ASAP1: variants seen among roughly 807,000 people sequenced by gnomAD.
ASAP1 encodes the protein ArfGAP with SH3 domain, ankyrin repeat and PH domain 1.
ASAP1 carries 43 observed loss-of-function variants against 145.2 expected under a neutral mutation model. That is an observed-to-expected ratio of 0.30 (90% CI 0.23 to 0.38). The LOEUF is 0.38. Among genes scored for constraint, ASAP1 ranks in the 10% least tolerant of loss-of-function variants. ASAP1 has a pLI of 1.00. For synonymous variants in ASAP1, 546 were observed against 515.5 expected, an observed-to-expected ratio of 1.06 and a Z score of -0.80; for missense variants, 1,018 against 1,355.3, an observed-to-expected ratio of 0.75 and a Z score of 3.91.
intron 26 of ASAP1, among the ~76,000 whole-genome samples, chr8:130,076,768 C>T (rs2097463329): frequency 6.6e-6 from 1 of 152,218 alleles, no homozygotes; most frequent in Admixed American, 6.5e-5. Context: ...GATCCACCCA[C>T]CTCAGCCTTC....
At chr8:130,079,556 C>A (rs990568511) in intron 26 of ASAP1, among the ~76,000 whole-genome samples, 3 of 152,046 alleles carry the variant, frequency 2.0e-5, no homozygotes, top group African/African-American at 7.2e-5. Flanking sequence ...GGAAAAGTAA[C>A]AAAGTTACTT....
At chr8:130,197,387 C>T (rs1815569961) in intron 5 of ASAP1, among the ~76,000 whole-genome samples, 1 of 152,194 alleles carries the variant, frequency 6.6e-6, no homozygotes, top group African/African-American at 2.4e-5. Flanking sequence ...TGAGATCATG[C>T]CATTGCGCTC....
intron 10 of ASAP1, among the ~76,000 whole-genome samples, chr8:130,168,547 G>T (rs930122823): frequency 6.6e-6 from 1 of 152,120 alleles, no homozygotes; most frequent in Admixed American, 6.6e-5. Flanking sequence ...CCAAGATCGT[G>T]CCACTGTACT....
chr8:130,127,707 C>T (rs183480539), intron 16 of ASAP1, among the ~76,000 whole-genome samples: 4 of 152,130 alleles, frequency 2.6e-5, no homozygotes, highest in African/African-American at 9.6e-5. Context: ...AGTATTTTGG[C>T]AGTGACACCT....
chr8:130,106,986 G>A (rs192235600), intron 24 of ASAP1, among the ~76,000 whole-genome samples: 200 of 152,226 alleles, frequency 1.3e-3, no homozygotes, highest in Non-Finnish European at 2.3e-3. Context: ...GAACAAACTT[G>A]TATTTACTGA....
intron 3 of ASAP1, among the ~76,000 whole-genome samples, chr8:130,293,458 A>G (rs140397686): frequency 4.1e-4 from 62 of 152,336 alleles, no homozygotes; most frequent in African/African-American, 1.5e-3. Flanking sequence ...CTGAAACCAA[A>G]CTGCCTCATG....
At chr8:130,128,800 A>C (rs2097579019) in intron 15 of ASAP1, among the ~76,000 whole-genome samples, 1 of 152,234 alleles carries the variant, frequency 6.6e-6, no homozygotes, top group South Asian at 2.1e-4. Context: ...CACAAAGTAG[A>C]ACAGTTAAGC....
intron 8 of ASAP1, 78 bp downstream of exon 8, chr8:130,180,673 G>A (rs1051719719): frequency 2.7e-6 from 4 of 1,475,762 alleles, no homozygotes; most frequent in East Asian, 2.3e-5. Context: ...CTGCCTTTAA[G>A]CATAAAGACT....
chr8:130,322,722 T>C (rs967645794), intron 3 of ASAP1, among the ~76,000 whole-genome samples: 6 of 152,192 alleles, frequency 3.9e-5, no homozygotes, highest in Non-Finnish European at 7.3e-5. Context: ...GAAGCATGTA[T>C]AGAACACAGT....
At chr8:130,276,774 A>T (rs928872654) in intron 3 of ASAP1, among the ~76,000 whole-genome samples, 39 of 136,948 alleles carry the variant, frequency 2.8e-4, no homozygotes, top group African/African-American at 9.1e-4. Flanking sequence ...CTAACAAAAA[A>T]GCTCCATGGC....
intron 27 of ASAP1, among the ~76,000 whole-genome samples, chr8:130,061,746 C>G (rs76613631): frequency 2.2e-4 from 33 of 152,320 alleles, no homozygotes; most frequent in African/African-American, 6.7e-4. Context: ...TAGTCTGAAA[C>G]TTTGCTTTTC....
chr8:130,341,017 T>C lies in ASAP1; in HGVS notation c.186+17000A>G, dbSNP rs554255709. On this transcript the variant is annotated intron_variant, in intron 3 of 29. Transcript: ENST00000518721. ...GGGCAGTGGTGGAGGGGTGGTTTTT[T>C]AGAGTGTTTTTTAACCGACATTAAA... 1.2e-5 allele frequency: 5 copies of C among 414,902 alleles called. No individual in the cohort carries two copies. The East Asian group carries it at 2.8e-4, about 23-fold the overall frequency. The allele number at this position is 414,902 out of a possible 1,614,324, so 25.7% of individuals were successfully genotyped here. A position where few individuals can be genotyped will look rare whatever the true frequency, so the allele number is the denominator to read the frequency against.
At position 130,240,723 on chromosome 8, in the gene ASAP1, G is replaced by A. The variant is rs928688962; in HGVS notation, c.187-3729C>T. On this transcript the variant is annotated intron_variant, in intron 3 of 29. Coordinates refer to ENST00000518721, the MANE Select transcript of ASAP1 (RefSeq NM_018482.4). ...AGGAGAATGTAAAGTTGTGCCATAC[G>A]GCATTATTACATTCTCTTTAACATT... is the stretch of plus-strand genomic sequence containing the variant. 5.3e-5 allele frequency among the ~76,000 whole-genome samples: 8 copies of A among 152,270 alleles called. 1 individual carries two copies. The highest frequency in any genetic ancestry group is 3.4e-3 in the Middle Eastern group (1 of 294).
chr8:130,228,057 T>G (rs1295523924), intron 4 of ASAP1, among the ~76,000 whole-genome samples: 1 of 152,184 alleles, frequency 6.6e-6, no homozygotes, highest in East Asian at 1.9e-4. Context: ...AACAGTGCAT[T>G]TTAGAGGCTA....
intron 3 of ASAP1, among the ~76,000 whole-genome samples, chr8:130,261,248 C>A (rs980775939): frequency 6.6e-6 from 1 of 152,206 alleles, no homozygotes; most frequent in African/African-American, 2.4e-5. Flanking sequence ...ACATCATAGC[C>A]CCTAAACACA....
chr8:130,057,913 G>A (rs755806136), intron 29 of ASAP1, 41 bp downstream of exon 29: 252 of 1,608,382 alleles, frequency 1.6e-4, no homozygotes, highest in Non-Finnish European at 2.1e-4. Flanking sequence ...CAGGCATGCT[G>A]TATGAATGTA....
chr8:130,217,537 T>TACACACACACACACACACACACACACAC (rs71302402), intron 4 of ASAP1, among the ~76,000 whole-genome samples: 3 of 148,880 alleles, frequency 2.0e-5, no homozygotes, highest in Admixed American at 6.7e-5. Context: ...TGTATATATG[T>TACACACACACACACACACACACACACAC]ACACACACAC....
chr8:130,298,224 T>G (rs765808358), intron 3 of ASAP1, among the ~76,000 whole-genome samples: 1 of 152,152 alleles, frequency 6.6e-6, no homozygotes, highest in Non-Finnish European at 1.5e-5. Context: ...ATGAGAAACC[T>G]GTAATGGTGT....
chr8:130,348,124 C>G (rs1825801478), intron 3 of ASAP1, among the ~76,000 whole-genome samples: 1 of 152,144 alleles, frequency 6.6e-6, no homozygotes, highest in South Asian at 2.1e-4. Context: ...GGTGCTATAC[C>G]AGGCACTGGA....
Sources: allele counts gnomAD v4.1 joint callset (sites outside exome capture counted in the v4.1 genomes callset), GRCh38; gene constraint gnomAD v4.1.1; transcripts MANE v1.5; gene names NCBI Gene and HGNC (gene_info 2026-07-23, HGNC 2026-07-21).